The following GSE1 variants were observed in gnomAD, a reference collection of about 807,000 sequenced individuals.
GSE1 encodes genetic suppressor element 1.
In GSE1, 32 loss-of-function variants were observed where a neutral mutation model predicts 112.6. That is an observed-to-expected ratio of 0.28 (90% CI 0.21 to 0.38). The LOEUF (loss-of-function observed/expected upper bound fraction) is 0.38. Among genes scored for constraint, GSE1 ranks in the 10% least tolerant of loss-of-function variants. The probability of loss-of-function intolerance (pLI) is 1.00; values close to 1 mark genes in which losing one functional copy is unlikely to be tolerated. For missense variants in GSE1, 2,348 were observed against 1,699.2 expected (o/e 1.38, Z -6.71); for synonymous variants, 1,115 against 735.6 (o/e 1.52, Z -8.35).
intron 2 of GSE1, among the ~76,000 whole-genome samples, chr16:85,439,135 C>T (rs1473839392): frequency 6.6e-6 from 1 of 152,256 alleles, no homozygotes; most frequent in Non-Finnish European, 1.5e-5. Flanking sequence ...GCCACTCTGT[C>T]TGCAGACCCG....
chr16:85,199,971 C>T (rs544903133), intron 1 of GSE1, among the ~76,000 whole-genome samples: 210 of 152,264 alleles, frequency 1.4e-3, no homozygotes, highest in African/African-American at 4.5e-3. Flanking sequence ...GGCCAGAAGA[C>T]GCAGCCACCA....
intron 1 of GSE1, among the ~76,000 whole-genome samples, chr16:85,246,350 C>CACACACACACACACACCACACGCTGTCT: frequency 2.6e-5 from 1 of 37,904 alleles, no homozygotes; most frequent in Non-Finnish European, 5.8e-5. Flanking sequence ...ACGCTGTCTA[C>CACACACACACACACACCACACGCTGTCT]ACACACACAC....
intron 1 of GSE1, among the ~76,000 whole-genome samples, chr16:85,236,255 G>C (rs1904651379): frequency 6.6e-6 from 1 of 152,190 alleles, no homozygotes; most frequent in African/African-American, 2.4e-5. Flanking sequence ...CCGGGTCCTA[G>C]GGCACCTTGG....
intron 2 of GSE1, among the ~76,000 whole-genome samples, chr16:85,478,496 C>G (rs2050533374): frequency 6.8e-6 from 1 of 146,340 alleles, no homozygotes; most frequent in Non-Finnish European, 1.5e-5. Context: ...CATTGCACTG[C>G]AGCCTGGGTG....
At chr16:85,320,312 A>G (rs2046075969) in intron 1 of GSE1, among the ~76,000 whole-genome samples, 1 of 152,224 alleles carries the variant, frequency 6.6e-6, no homozygotes, top group South Asian at 2.1e-4. Flanking sequence ...CCTTTCGCTC[A>G]CGCAGAACAC....
intron 2 of GSE1, among the ~76,000 whole-genome samples, chr16:85,472,237 C>T (rs944357252): frequency 6.6e-6 from 1 of 152,186 alleles, no homozygotes; most frequent in African/African-American, 2.4e-5. Flanking sequence ...CCTAAAACCA[C>T]AGGAATGTAT....
Position 85,661,738 on chromosome 16 carries a change from C to T in GSE1, c.2233C>T (p.Arg745Cys), listed in dbSNP as rs780972235. ...GGTCAGCAAGCTGGACCTGGAGGAGCGCAGGCGGCGGGAGGCCCAGGAGAA... is the reference window on the plus strand; with the variant it reads ...GGTCAGCAAGCTGGACCTGGAGGAGTGCAGGCGGCGGGAGGCCCAGGAGAA... Reference protein sequence around the residue: ...RLVSKLDLEERRRREAQEKGY... With the variant: ...RLVSKLDLEECRRREAQEKGY... Residue 745 changes from arginine to cysteine, a missense_variant, in exon 9 of 16, where the codon CGC becomes TGC. Coordinates refer to ENST00000253458, the MANE Select transcript of GSE1 (RefSeq NM_014615.5). The T allele has an allele frequency of 1.1e-5, 17 of 1,556,736 alleles. 1 individual carries two copies. Among genetic ancestry groups the T allele is most frequent in the South Asian group, 7.1e-5 (6 of 85,084 alleles).
At chr16:85,181,485 T>A (rs574917078) in intron 1 of GSE1, among the ~76,000 whole-genome samples, 4 of 152,188 alleles carry the variant, frequency 2.6e-5, no homozygotes, top group African/African-American at 9.7e-5. Flanking sequence ...GGGCCTGGCT[T>A]CCACACGGCC....
chr16:85,667,392 T>C lies in GSE1; in HGVS notation c.3131-748T>C, dbSNP rs576416575. On this transcript the variant is annotated intron_variant, in intron 13 of 15. Coordinates refer to ENST00000253458, the MANE Select transcript of GSE1 (RefSeq NM_014615.5). ...GGGAGGCCAGGTGTGCTCCTGAGGA[T>C]GTCACCCACCAGGCCACGCCATGAG... 5.9e-5 allele frequency among the ~76,000 whole-genome samples: 9 copies of C among 152,352 alleles called. No individual in the cohort carries two copies. The South Asian group carries it at 1.9e-3, about 32-fold the overall frequency.
intron 1 of GSE1, chr16:85,207,656 C>G (rs2075143485): frequency 6.6e-6 from 1 of 152,274 alleles, no homozygotes. Flanking sequence ...TGAATCCCGG[C>G]TCTGCCGTTG....
intron 1 of GSE1, among the ~76,000 whole-genome samples, chr16:85,184,468 G>A (rs1315666995): frequency 1.3e-5 from 2 of 152,114 alleles, no homozygotes; most frequent in East Asian, 3.9e-4. Context: ...TTAAGAAGGG[G>A]GCCAGGCACT....
rs1203987452 is a variant in GSE1 at position 85,407,992 on chromosome 16, C to G, written c.2464+50349C>G. On this transcript the variant is annotated intron_variant, in intron 2 of 2. Transcript: ENST00000637419. ...CCCTCTGATAATCCTCACTGTTACA[C>G]TCAGGGCCCCCTGGATAATCCTCAC... Among the ~76,000 whole-genome samples the G allele has an allele frequency of 7.2e-5, 4 of 55,614 alleles. 1 individual carries two copies. The East Asian group carries it at 3.2e-3, about 44-fold the overall frequency. 36.5% of individuals were successfully genotyped at this position (55,614 alleles called of 152,430 possible).
At chr16:85,221,152 CCAGGGGCA>C (rs1197001886) in intron 1 of GSE1, among the ~76,000 whole-genome samples, 1 of 152,046 alleles carries the variant, frequency 6.6e-6, no homozygotes, top group Non-Finnish European at 1.5e-5. Context: ...GGCAGGGAGG[CCAGGGGCA>C]CAGGCCTCAT....
chr16:85,619,757 GCTC>G (rs1244940567), intron 1 of GSE1, among the ~76,000 whole-genome samples: 2 of 152,316 alleles, frequency 1.3e-5, no homozygotes, highest in African/African-American at 4.8e-5. Context: ...ACCCCAACGT[GCTC>G]CTCCTCCCCA....
intron 2 of GSE1, among the ~76,000 whole-genome samples, chr16:85,644,759 G>A (rs1344473728): frequency 6.6e-6 from 1 of 152,024 alleles, no homozygotes; most frequent in Non-Finnish European, 1.5e-5. Flanking sequence ...TGCTAGAACC[G>A]TGGGGCCGCG....
chr16:85,643,994 C>T (rs2050650237), intron 2 of GSE1, among the ~76,000 whole-genome samples: 1 of 152,070 alleles, frequency 6.6e-6, no homozygotes, highest in Admixed American at 6.5e-5. Context: ...GATGGGAACA[C>T]CCTGGGTTTG....
chr16:85,440,401 C>T (rs1033168057), intron 2 of GSE1, among the ~76,000 whole-genome samples: 3 of 152,242 alleles, frequency 2.0e-5, no homozygotes, highest in Non-Finnish European at 2.9e-5. Context: ...CTGGACTAAG[C>T]ACTTGCCATC....
At chr16:85,602,767 C>G (rs548229016) in intron 1 of GSE1, among the ~76,000 whole-genome samples, 1 of 152,318 alleles carries the variant, frequency 6.6e-6, no homozygotes, top group Admixed American at 6.5e-5. Context: ...GTGAATCACC[C>G]AAATTTCCGG....
Position 85,356,059 on chromosome 16 carries a change from G to T in GSE1, c.2284-1404G>T, listed in dbSNP as rs890309013. Among the ~76,000 whole-genome samples, 15 of 152,172 alleles carry T rather than the reference G, an allele frequency of 9.9e-5. No homozygotes were observed. The East Asian group carries it at 2.7e-3, about 27-fold the overall frequency. On this transcript the variant is annotated intron_variant, in intron 1 of 2. Transcript: ENST00000637419. The stretch of plus-strand genomic sequence containing the variant: ...AATAAAAAATAAAGATTACAAAAAA[G>T]TGAGGGCTGTGGGCATGGGATGACC...
Sources: allele counts gnomAD v4.1 joint callset (sites outside exome capture counted in the v4.1 genomes callset), GRCh38; gene constraint gnomAD v4.1.1; transcripts MANE v1.5; gene names NCBI Gene and HGNC (gene_info 2026-07-23, HGNC 2026-07-21).